The following RBM46 variants were observed in gnomAD, a reference collection of about 807,000 sequenced individuals.
RBM46 encodes RNA binding motif protein 46.
RBM46 carries 12 observed loss-of-function variants against 43.3 expected under a neutral mutation model. The observed-to-expected ratio is 0.28, with a 90% confidence interval of 0.18 to 0.45. The LOEUF (loss-of-function observed/expected upper bound fraction) is 0.45, where lower values mean the gene tolerates loss of function less well. Among genes scored for constraint, RBM46 ranks in the 20% least tolerant of loss-of-function variants. The pLI, the probability that RBM46 is intolerant of heterozygous loss-of-function variation, is 1.00. For synonymous variants in RBM46, 205 were observed against 207.6 expected (o/e 0.99, Z 0.11); for missense variants, 412 against 639.1 (o/e 0.64, Z 3.83).
At chr4:154,820,468 T>G in intron 4 of RBM46, 1 of 1,066,214 alleles carries the variant, frequency 9.4e-7, no homozygotes, top group Non-Finnish European at 1.3e-6. Context: ...TTAAGTAATA[T>G]ATTTAATTGT....
intron 4 of RBM46, among the ~76,000 whole-genome samples, chr4:154,821,837 G>A (rs531756868): frequency 6.6e-6 from 1 of 151,860 alleles, no homozygotes; most frequent in East Asian, 1.9e-4. Flanking sequence ...AGGTCAAACA[G>A]GTTTGGGAAA....
At chr4:154,795,608 T>G (rs1225570190) in intron 1 of RBM46, among the ~76,000 whole-genome samples, 1 of 152,144 alleles carries the variant, frequency 6.6e-6, no homozygotes, top group Non-Finnish European at 1.5e-5. Context: ...CCTTTGAAGC[T>G]TTTAAACTTA....
chr4:154,815,406 G>A (rs1287695594), intron 4 of RBM46, among the ~76,000 whole-genome samples: 1 of 151,938 alleles, frequency 6.6e-6, no homozygotes, highest in African/African-American at 2.4e-5. Flanking sequence ...TCCAAAGTAA[G>A]TATACTGATT....
chr4:154,820,182 G>A (rs1379772662), intron 4 of RBM46, among the ~76,000 whole-genome samples: 1 of 151,682 alleles, frequency 6.6e-6, no homozygotes, highest in African/African-American at 2.4e-5. Flanking sequence ...TCTTCTCTTT[G>A]TTCATCTTTA....
chr4:154,788,124 C>T (rs1328518108), intron 1 of RBM46, among the ~76,000 whole-genome samples: 1 of 152,094 alleles, frequency 6.6e-6, no homozygotes, highest in African/African-American at 2.4e-5. Context: ...AATTTTCTCC[C>T]ATTCTGTAGG....
chr4:154,809,453 A>G (rs1735074461), intron 4 of RBM46, among the ~76,000 whole-genome samples: 1 of 152,086 alleles, frequency 6.6e-6, no homozygotes, highest in Non-Finnish European at 1.5e-5. Context: ...TGAGTTTTCT[A>G]TGACAAAAAC....
intron 4 of RBM46, among the ~76,000 whole-genome samples, chr4:154,822,866 A>G (rs138875440): frequency 0.011 from 1,711 of 151,892 alleles, 24 homozygotes; most frequent in African/African-American, 0.038. Flanking sequence ...ACAGTTGAGC[A>G]ATTTCTCAAA....
intron 4 of RBM46, among the ~76,000 whole-genome samples, chr4:154,823,108 G>A (rs559926311): frequency 6.6e-6 from 1 of 151,954 alleles, no homozygotes; most frequent in East Asian, 1.9e-4. Flanking sequence ...AAGGGATGAA[G>A]TTCTGATACA....
At chr4:154,820,327 A>G in intron 4 of RBM46, 1 of 1,400,602 alleles carries the variant, frequency 7.1e-7, no homozygotes, top group Non-Finnish European at 9.7e-7. Flanking sequence ...ACATCAATCT[A>G]AAGACTCAAT....
intron 4 of RBM46, chr4:154,826,739 C>CTTTTT: frequency 1.7e-5 from 16 of 933,624 alleles, no homozygotes; most frequent in South Asian, 5.2e-5. Context: ...TTCATTTTTC[C>CTTTTT]TTTTTTTTTT....
intron 4 of RBM46, among the ~76,000 whole-genome samples, chr4:154,800,824 G>A (rs190593721): frequency 5.3e-4 from 80 of 152,192 alleles, no homozygotes; most frequent in Non-Finnish European, 7.4e-5. Context: ...CAGAACCATA[G>A]TACAGAAGCT....
In RBM46 at chr4:154,799,449, G is replaced by C. The variant is rs1368479097; in HGVS notation, c.1287G>C (p.Lys429Asn). Residue 429 changes from lysine (K) to asparagine (N), a missense_variant, in exon 4 of 5, where the codon AAG becomes AAC. By Grantham distance (94) the Lys-to-Asn change is moderately conservative. This residue lies in a region of RBM46 where 149 missense variants were observed against 156.3 expected (regional missense o/e 0.95). Coordinates refer to ENST00000281722, the MANE Select transcript of RBM46 (RefSeq NM_144979.5). ...ATGGGAAAGTACTCTTGGTGTATAA[G>C]ATAGTTATTCCTGCTATTGCAAATG... ...SQDGKVLLVY[K>N]IVIPAIANGS... 1 of 1,613,952 alleles carries C rather than the reference G, an allele frequency of 6.2e-7. No homozygotes were observed. The highest frequency in any genetic ancestry group is 1.7e-5 in the Admixed American group (1 of 60,012).
intron 4 of RBM46, chr4:154,827,588 T>C (rs1337056186): frequency 8.6e-7 from 1 of 1,157,200 alleles, no homozygotes; most frequent in Non-Finnish European, 1.1e-6. Context: ...TCTCTTTTTC[T>C]ATAATCAAAA....
intron 4 of RBM46, among the ~76,000 whole-genome samples, chr4:154,813,867 A>G (rs185254750): frequency 6.6e-6 from 1 of 152,198 alleles, no homozygotes; most frequent in African/African-American, 2.4e-5. Flanking sequence ...AAGAAGAAAT[A>G]GTATGACATA....
chr4:154,810,093 C>A (rs931968816), intron 4 of RBM46, among the ~76,000 whole-genome samples: 1 of 151,946 alleles, frequency 6.6e-6, no homozygotes, highest in African/African-American at 2.4e-5. Context: ...TACATGTTTT[C>A]ATTTTTTTAA....
chr4:154,803,702 CAAAAAAAAAA>C (rs35506499), intron 4 of RBM46, among the ~76,000 whole-genome samples: 8 of 41,324 alleles, frequency 1.9e-4, no homozygotes, highest in African/African-American at 2.6e-4. Flanking sequence ...GACTACGTCT[CAAAAAAAAAA>C]AAAAAAAAAA....
At chr4:154,820,263 A>C in intron 4 of RBM46, 1 of 662,450 alleles carries the variant, frequency 1.5e-6, no homozygotes, top group Non-Finnish European at 2.3e-6. Context: ...TTACTGATCA[A>C]AAGGTTTTTA....
Position 154,797,911 on chromosome 4 carries a change from T to C in RBM46, c.252T>C (p.Ala84=), listed in dbSNP as rs775176619. The change falls in exon 3 of 5, where the codon GCT becomes GCC. Residue 84 remains alanine (A), a synonymous_variant. Coordinates refer to ENST00000281722, the MANE Select transcript of RBM46 (RefSeq NM_144979.5). ...AGTTAGTTCCTGTATTTGAAAGAGC[T>C]GGGAAGATATATGAATTTCGACTTA... ...EDELVPVFER[A]GKIYEFRLMM... is the part of the protein sequence containing the mutation. 1.2e-5 allele frequency: 19 copies of C among 1,612,340 alleles called. No homozygotes were observed. Among genetic ancestry groups the C allele is most frequent in the Middle Eastern group, 1.7e-4 (1 of 6,044 alleles).
chr4:154,826,640 G>A (rs1159398907), intron 4 of RBM46: 4 of 621,092 alleles, frequency 6.4e-6, no homozygotes, highest in Middle Eastern at 3.5e-4. Flanking sequence ...TCGCTTTGTT[G>A]ATCTTATGGT....
Sources: allele counts gnomAD v4.1 joint callset (sites outside exome capture counted in the v4.1 genomes callset), GRCh38; gene constraint gnomAD v4.1.1; regional missense constraint gnomAD v4.1.1; transcripts MANE v1.5; gene names NCBI Gene and HGNC (gene_info 2026-07-23, HGNC 2026-07-21).